ALG6: variants seen among roughly 807,000 people sequenced by gnomAD.
ALG6 encodes the protein ALG6 alpha-1,3-glucosyltransferase.
A neutral mutation model predicts 66.6 loss-of-function variants in ALG6; 46 were observed. The observed-to-expected ratio is 0.69, with a 90% CI of 0.55 to 0.88. The LOEUF (loss-of-function observed/expected upper bound fraction) is 0.88, where lower values mean the gene tolerates loss of function less well. Among genes scored for constraint, ALG6 ranks in the 40% least tolerant of loss-of-function variants. The probability of loss-of-function intolerance (pLI) is 0.00; values close to 1 mark genes in which losing one functional copy is unlikely to be tolerated. For missense variants in ALG6, 505 were observed against 586.8 expected (o/e 0.86, Z 1.44); for synonymous variants, 185 against 203.7 (o/e 0.91, Z 0.78).
In ALG6 at chr1:63,371,074, C is replaced by T; in HGVS notation, c.82+15C>T. 1.9e-6 allele frequency: 3 copies of T among 1,573,010 alleles called. No individual in the cohort carries two copies. The highest frequency in any genetic ancestry group is 2.6e-6 in the Non-Finnish European group (3 of 1,143,908). On this transcript the variant is annotated intron_variant, in intron 2 of 14. Transcript: ENST00000263440. ...TTCTTATTCAGGTAATACATTTTTA[C>T]TGGTTAAAAAAAAAACGAAATTTTC...
chr1:63,381,066 T>C (rs182430089), intron 2 of ALG6, among the ~76,000 whole-genome samples: 1 of 152,188 alleles, frequency 6.6e-6, no homozygotes, highest in African/African-American at 2.4e-5. Context: ...ACACCTGTAA[T>C]CCCAGCACTT....
intron 14 of ALG6, among the ~76,000 whole-genome samples, chr1:63,434,008 G>A (rs563278874): frequency 8.5e-5 from 13 of 152,328 alleles, no homozygotes; most frequent in Middle Eastern, 3.4e-3. Flanking sequence ...GAGAAAAACT[G>A]CAAATGCAGT....
intron 12 of ALG6, among the ~76,000 whole-genome samples, chr1:63,427,846 GC>G (rs1644624843): frequency 1.6e-5 from 2 of 127,738 alleles, no homozygotes; most frequent in African/African-American, 6.2e-5. Context: ...TCACTCTGTT[GC>G]CCAGGCTGGA....
At chr1:63,389,760 A>C (rs1000689631) in intron 2 of ALG6, among the ~76,000 whole-genome samples, 1 of 152,110 alleles carries the variant, frequency 6.6e-6, no homozygotes, top group African/African-American at 2.4e-5. Context: ...GTTGTCATCC[A>C]TGGTCGCTGC....
At chr1:63,412,968 A>G (rs1200556275) in intron 9 of ALG6, among the ~76,000 whole-genome samples, 1 of 152,186 alleles carries the variant, frequency 6.6e-6, no homozygotes, top group Non-Finnish European at 1.5e-5. Context: ...AGCGACTAAG[A>G]TGGGAGTTTG....
chr1:63,428,769 G>A lies in ALG6; in HGVS notation c.1095G>A (p.Met365Ile), dbSNP rs1387128337. The A allele has an allele frequency of 6.2e-7, 1 of 1,609,296 alleles. No homozygotes were observed. The part of the protein sequence containing the change: ...VCLVLSEIPF[M>I]STWFLLVSTF... ...TAGTTTTAAGTGAAATTCCTTTTATGTCTACTTGGTTTTTACTTGTGTCAA... is the reference window on the plus strand; with the variant it reads ...TAGTTTTAAGTGAAATTCCTTTTATATCTACTTGGTTTTTACTTGTGTCAA... The change falls in exon 13 of 15, where the codon ATG (methionine) becomes ATA (isoleucine). Residue 365 changes from methionine (M) to isoleucine (I), a missense_variant. Coordinates refer to ENST00000263440, the MANE Select transcript of ALG6 (RefSeq NM_013339.4).
At chr1:63,375,539 C>T (rs1484311251) in intron 2 of ALG6, among the ~76,000 whole-genome samples, 3 of 151,460 alleles carry the variant, frequency 2.0e-5, no homozygotes, top group Non-Finnish European at 4.4e-5. Flanking sequence ...GGATTACAGG[C>T]GTGAGCCACC....
At chr1:63,395,625 G>A (rs757390326) in intron 2 of ALG6, among the ~76,000 whole-genome samples, 12 of 152,316 alleles carry the variant, frequency 7.9e-5, no homozygotes, top group Non-Finnish European at 1.2e-4. Context: ...AACCCCAGAG[G>A]TGGAGGTTGC....
chr1:63,394,072 T>G (rs1648748566), intron 2 of ALG6, among the ~76,000 whole-genome samples: 1 of 152,238 alleles, frequency 6.6e-6, no homozygotes, highest in South Asian at 2.1e-4. Flanking sequence ...GATTATAGCG[T>G]TTAAAGAATA....
chr1:63,400,321 G>GTATA lies in ALG6; in HGVS notation c.168-1922_168-1919dup, dbSNP rs66490327. ...CGTATATATATGTATATATATATAC[G>GTATA]TATATATATATATACGTATATATAT... On this transcript the variant is annotated intron_variant, in intron 3 of 14. Transcript: ENST00000263440. Among the ~76,000 whole-genome samples the GTATA allele has an allele frequency of 3.7e-4, 8 of 21,706 alleles. 3 individuals are homozygous for GTATA. The highest frequency in any genetic ancestry group is 1.2e-3 in the East Asian group (1 of 858). The allele number at this position is 21,706 out of a possible 152,430, so 14.2% of individuals were successfully genotyped here.
At chr1:63,403,763 G>A (rs1362542304) in intron 4 of ALG6, among the ~76,000 whole-genome samples, 1 of 152,118 alleles carries the variant, frequency 6.6e-6, no homozygotes. Context: ...AATACTGTAG[G>A]CAGTTGTAAC....
At chr1:63,371,907 G>A (rs1570027571) in intron 2 of ALG6, among the ~76,000 whole-genome samples, 1 of 152,220 alleles carries the variant, frequency 6.6e-6, no homozygotes, top group East Asian at 1.9e-4. Flanking sequence ...CCAGCTAGAG[G>A]GCCCACATTT....
intron 1 of ALG6, among the ~76,000 whole-genome samples, chr1:63,368,946 C>T (rs1214649104): frequency 1.3e-5 from 2 of 152,182 alleles, no homozygotes; most frequent in Admixed American, 6.5e-5. Context: ...CATTTCAGAA[C>T]ACCTCTCTGG....
rs1046640832 is a variant in ALG6, at chr1:63,433,641, C to G, written c.1327-3182C>G. The stretch of plus-strand genomic sequence containing the variant: ...CCTATTGTGATATTCACAATCTGGT[C>G]CAGTAATCTTAAGGTGAGGACCGCT... On this transcript the variant is annotated intron_variant, in intron 14 of 14. Coordinates refer to ENST00000263440, the MANE Select transcript of ALG6 (RefSeq NM_013339.4). The surrounding 1 kb of genome is among the most constrained non-coding windows in gnomAD (Gnocchi z 4.2). 2.0e-5 allele frequency among the ~76,000 whole-genome samples: 3 copies of G among 152,124 alleles called. No individual in the cohort carries two copies. The highest frequency in any genetic ancestry group is 2.0e-4 in the Admixed American group (3 of 15,268).
Position 63,419,376 on chromosome 1 carries a change from T to C in ALG6, c.994T>C (p.Cys332Arg), listed in dbSNP as rs746084230. ...CCCCCCTTTTTTCTTAAAGGTTAGC[T>C]GTGCGCTATCATTCTTTTTATTTTC... The part of the protein sequence containing the change: ...SKGFKFTLVS[C>R]ALSFFLFSFQ... The change falls in exon 12 of 15, where the codon TGT becomes CGT. Residue 332 changes from cysteine to arginine, a missense_variant. Cys to Arg is a radical substitution (Grantham distance 180, BLOSUM62 -3). Coordinates refer to ENST00000263440, the MANE Select transcript of ALG6 (RefSeq NM_013339.4). 5.0e-6 allele frequency: 8 copies of C among 1,610,398 alleles called. No individual in the cohort carries two copies. In the South Asian group the frequency reaches 8.8e-5, roughly 18 times the overall value.
At chr1:63,415,521 T>G (rs889843331) in intron 10 of ALG6, among the ~76,000 whole-genome samples, 4 of 152,212 alleles carry the variant, frequency 2.6e-5, no homozygotes, top group African/African-American at 9.6e-5. Flanking sequence ...GCATTATCTC[T>G]TATACTTCAT....
intron 9 of ALG6, 74 bp downstream of exon 9, chr1:63,412,135 G>A: frequency 1.3e-6 from 2 of 1,598,056 alleles, no homozygotes; most frequent in Non-Finnish European, 1.7e-6. Context: ...CATGTAGAAG[G>A]TACAAGGAAT....
At chr1:63,385,957 T>G (rs1025083475) in intron 2 of ALG6, among the ~76,000 whole-genome samples, 1 of 152,208 alleles carries the variant, frequency 6.6e-6, no homozygotes, top group Non-Finnish European at 1.5e-5. Context: ...GGGTCTGTCA[T>G]GTATGGCTTT....
rs116824927 is a variant in ALG6 at position 63,409,669 on chromosome 1, C to T, written c.495-1477C>T. ...TGGTCATTTAGTTTCCCTTTCATTT[C>T]GATTCTTTTTCTGTCATAGGTTTTC... On this transcript the variant is annotated intron_variant, in intron 7 of 14. Coordinates refer to ENST00000263440, the MANE Select transcript of ALG6 (RefSeq NM_013339.4). Among the ~76,000 whole-genome samples the T allele has an allele frequency of 3.9e-3, 590 of 152,062 alleles. 2 individuals carry two copies. The highest frequency in any genetic ancestry group is 0.013 in the African/African-American group (537 of 41,470).
Sources: allele counts gnomAD v4.1 joint callset (sites outside exome capture counted in the v4.1 genomes callset), GRCh38; gene constraint gnomAD v4.1.1; non-coding constraint Gnocchi (gnomAD v3.1); transcripts MANE v1.5; gene names NCBI Gene and HGNC (gene_info 2026-07-23, HGNC 2026-07-21).